SERPINB7: variants seen among roughly 807,000 people sequenced by gnomAD.
The protein encoded by SERPINB7 is serpin B7.
SERPINB7 carries 31 observed loss-of-function variants against 37.4 expected under a neutral mutation model. The observed-to-expected ratio is 0.83, with a 90% CI of 0.62 to 1.12. The LOEUF is 1.12. Ranked by LOEUF, SERPINB7 falls within the 50% of genes most tolerant of loss-of-function variation. The probability of loss-of-function intolerance (pLI) is 0.00; values close to 1 mark genes in which losing one functional copy is unlikely to be tolerated. For synonymous variants in SERPINB7, 163 were observed against 166.1 expected (o/e 0.98, Z 0.14); for missense variants, 521 against 455.3 (o/e 1.14, Z -1.31).
chr18:63,784,928 C>T (rs1183842078), intron 2 of SERPINB7, among the ~76,000 whole-genome samples: 2 of 152,178 alleles, frequency 1.3e-5, no homozygotes, highest in African/African-American at 4.8e-5. Flanking sequence ...CTGAAGTCTC[C>T]TTGCCCTGCA....
chr18:63,777,540 A>G (rs2144603026), intron 1 of SERPINB7, among the ~76,000 whole-genome samples: 1 of 152,276 alleles, frequency 6.6e-6, no homozygotes, highest in South Asian at 2.1e-4. Context: ...ATGTGATACT[A>G]AATATCAAAT....
chr18:63,783,220 G>GAAAGAAAGAA lies in SERPINB7; in HGVS notation c.168+681_168+682insAAGAAAGAAA, dbSNP rs1224407643. Among the ~76,000 whole-genome samples the GAAAGAAAGAA allele has an allele frequency of 6.3e-4, 40 of 63,934 alleles. 1 individual carries two copies. The highest frequency in any genetic ancestry group is 2.6e-3 in the African/African-American group (38 of 14,712). 41.9% of individuals were successfully genotyped at this position (63,934 alleles called of 152,430 possible). A position where few individuals can be genotyped will look rare whatever the true frequency, so the allele number is the denominator to read the frequency against. On this transcript the variant is annotated intron_variant, in intron 2 of 7. Coordinates refer to ENST00000398019, the MANE Select transcript of SERPINB7 (RefSeq NM_003784.4). ...AGAGAGAGAGAGAGAGAGAGAGAGA[G>GAAAGAAAGAA]AGAGAGAGAGAGAGAAAGAAAGAAA...
rs2049489937 is a variant in SERPINB7 at position 63,796,439 on chromosome 18, T to G, written c.454+56T>G. 3.1e-6 allele frequency: 3 copies of G among 972,234 alleles called. No individual in the cohort carries two copies. The East Asian group carries it at 7.3e-5, about 24-fold the overall frequency. The allele number at this position is 972,234 out of a possible 1,614,324, so 60.2% of individuals were successfully genotyped here. ...AGATTTGTCAGTTATATGTGAATAC[T>G]GGGAACAAAAGCTGGGAGTCTTTTG... On this transcript the variant is annotated intron_variant, in intron 5 of 7. Transcript: ENST00000398019.
chr18:63,804,480 A>G lies in SERPINB7; in HGVS notation c.988A>G (p.Thr330Ala). 1.9e-6 allele frequency: 3 copies of G among 1,613,794 alleles called. No homozygotes were observed. Among genetic ancestry groups the G allele is most frequent in the South Asian group, 1.1e-5 (1 of 91,080 alleles). ...RMMHKSYIEV[T>A]EEGTEATAAT... ...GATGCACAAATCTTACATAGAGGTC[A>G]CTGAGGAGGGCACCGAGGCTACTGC... Residue 330 changes from threonine (T) to alanine (A), a missense_variant, in exon 8 of 8, where the codon ACT becomes GCT. Transcript: ENST00000398019.
intron 7 of SERPINB7, 48 bp from the exon 8 acceptor site, chr18:63,804,189 T>C (rs1338749553): frequency 1.5e-6 from 2 of 1,337,826 alleles, no homozygotes; most frequent in Non-Finnish European, 2.0e-6. Flanking sequence ...TTGTTTTATC[T>C]ATCACTTGAC....
intron 1 of SERPINB7, among the ~76,000 whole-genome samples, chr18:63,781,402 C>T (rs2049299541): frequency 1.3e-5 from 2 of 152,168 alleles, no homozygotes; most frequent in South Asian, 4.1e-4. Context: ...GATGAAGTCC[C>T]CTAAGGGTTT....
At chr18:63,764,842 C>T (rs1474337862) in intron 1 of SERPINB7, among the ~76,000 whole-genome samples, 1 of 151,932 alleles carries the variant, frequency 6.6e-6, no homozygotes, top group Non-Finnish European at 1.5e-5. Context: ...TATCTAAAGA[C>T]TACAGAAGGC....
chr18:63,795,171 CT>C (rs2049473641), intron 4 of SERPINB7, among the ~76,000 whole-genome samples: 1 of 152,140 alleles, frequency 6.6e-6, no homozygotes, highest in Non-Finnish European at 1.5e-5. Flanking sequence ...ACAGAATTTG[CT>C]GTTTTGTGAA....
intron 1 of SERPINB7, among the ~76,000 whole-genome samples, chr18:63,762,338 G>T (rs999625436): frequency 2.6e-5 from 4 of 152,130 alleles, no homozygotes; most frequent in African/African-American, 9.7e-5. Context: ...GTGCAGGCTG[G>T]TCTCTAAAAT....
At chr18:63,791,892 G>C (rs2049432957) in intron 2 of SERPINB7, among the ~76,000 whole-genome samples, 1 of 152,172 alleles carries the variant, frequency 6.6e-6, no homozygotes, top group South Asian at 2.1e-4. Context: ...TTACAGGCCT[G>C]AGCCACCGCA....
intron 1 of SERPINB7, among the ~76,000 whole-genome samples, chr18:63,768,162 CT>C (rs1049036110): frequency 6.6e-6 from 1 of 151,794 alleles, no homozygotes; most frequent in Non-Finnish European, 1.5e-5. Flanking sequence ...GATTACTGCT[CT>C]TTTCTTTATG....
chr18:63,777,011 CA>C (rs1253536220), intron 1 of SERPINB7, among the ~76,000 whole-genome samples: 4 of 151,932 alleles, frequency 2.6e-5, no homozygotes, highest in Admixed American at 6.6e-5. Flanking sequence ...ATTAATCATA[CA>C]ACGAAAATAA....
At chr18:63,794,216 C>T (rs895693271) in intron 4 of SERPINB7, among the ~76,000 whole-genome samples, 3 of 150,472 alleles carry the variant, frequency 2.0e-5, no homozygotes, top group Non-Finnish European at 4.4e-5. Flanking sequence ...CCCACATCAG[C>T]CGCCCAAAGT....
At chr18:63,759,563 C>T (rs575094733) in intron 1 of SERPINB7, among the ~76,000 whole-genome samples, 184 of 151,946 alleles carry the variant, frequency 1.2e-3, no homozygotes, top group Non-Finnish European at 2.1e-3. Flanking sequence ...TGCCTTTTAC[C>T]AGTAGCTCAT....
At chr18:63,789,528 T>C (rs2049405209) in intron 2 of SERPINB7, among the ~76,000 whole-genome samples, 1 of 152,120 alleles carries the variant, frequency 6.6e-6, no homozygotes, top group Non-Finnish European at 1.5e-5. Context: ...AGTGACCAAC[T>C]CCACTGTTCG....
chr18:63,768,242 A>T (rs531319119), intron 1 of SERPINB7, among the ~76,000 whole-genome samples: 2 of 150,816 alleles, frequency 1.3e-5, no homozygotes, highest in East Asian at 4.1e-4. Context: ...GAAAGTATAG[A>T]TTATTGGTTT....
chr18:63,761,326 C>A (rs1354473757), intron 1 of SERPINB7, among the ~76,000 whole-genome samples: 1 of 152,190 alleles, frequency 6.6e-6, no homozygotes, highest in Non-Finnish European at 1.5e-5. Context: ...TGTATTTACC[C>A]AATTCCTGTG....
chr18:63,782,508 G>A lies in SERPINB7; in HGVS notation c.136G>A (p.Ala46Thr), dbSNP rs756029823. The A allele has an allele frequency of 1.2e-5, 20 of 1,612,646 alleles. No homozygotes were observed. The Admixed American group carries it at 1.5e-4, about 12-fold the overall frequency. ...FAALALVRLG[A>T]QDDSLSQIDK... ...TGCCCTGGCCCTGGTCCGCTTGGGCGCTCAAGATGACTCCCTCTCTCAGAT... is the reference window on the plus strand; with the variant it reads ...TGCCCTGGCCCTGGTCCGCTTGGGCACTCAAGATGACTCCCTCTCTCAGAT... Residue 46 changes from alanine (A) to threonine (T), a missense_variant, in exon 2 of 8, where the codon GCT (alanine) becomes ACT (threonine). Physicochemically the swap from Ala to Thr is moderately conservative, Grantham distance 58. Transcript: ENST00000398019.
chr18:63,776,720 G>T (rs548313930), intron 1 of SERPINB7, among the ~76,000 whole-genome samples: 18 of 151,118 alleles, frequency 1.2e-4, no homozygotes, highest in Middle Eastern at 3.4e-3. Context: ...GGACTGGGGG[G>T]TTTAAATCAT....
Sources: allele counts gnomAD v4.1 joint callset (sites outside exome capture counted in the v4.1 genomes callset), GRCh38; gene constraint gnomAD v4.1.1; transcripts MANE v1.5; gene names NCBI Gene and HGNC (gene_info 2026-07-23, HGNC 2026-07-21).